The following NELL1 variants were observed in gnomAD, a reference collection of about 807,000 sequenced individuals.
NELL1 encodes neural EGFL like 1, also known as protein kinase C-binding protein NELL1.
A neutral mutation model predicts 107.4 loss-of-function variants in NELL1; 76 were observed. The ratio of observed to expected loss-of-function variants is 0.71; its 90% CI spans 0.59 to 0.86. The LOEUF (loss-of-function observed/expected upper bound fraction) is 0.86, where lower values mean the gene tolerates loss of function less well. Among genes scored for constraint, NELL1 ranks in the 40% least tolerant of loss-of-function variants. The probability of loss-of-function intolerance (pLI) is 0.00; values close to 1 mark genes in which losing one functional copy is unlikely to be tolerated. For synonymous variants in NELL1, 353 were observed against 341.2 expected (o/e 1.03, Z -0.38); for missense variants, 1,024 against 1,005.5 (o/e 1.02, Z -0.25).
rs185278503 is a variant in NELL1 at position 21,438,808 on chromosome 11, A to G, written c.1645+67860A>G. ...AGTTCTGGGATTTCTGTTTTTTTCT[A>G]TGCCTCAATAATTTTGTGTGAGGAA... On this transcript the variant is annotated intron_variant, in intron 15 of 19. Transcript: ENST00000357134. 2.6e-5 allele frequency among the ~76,000 whole-genome samples: 4 copies of G among 151,822 alleles called. No individual in the cohort carries two copies. The East Asian group carries it at 7.8e-4, about 30-fold the overall frequency.
At chr11:20,855,996 C>A (rs1848876046) in intron 4 of NELL1, among the ~76,000 whole-genome samples, 1 of 152,246 alleles carries the variant, frequency 6.6e-6, no homozygotes, top group Non-Finnish European at 1.5e-5. Context: ...ATTCATCTAT[C>A]TCCTTGGAAA....
At chr11:21,556,143 T>A (rs1856700282) in intron 16 of NELL1, among the ~76,000 whole-genome samples, 1 of 151,936 alleles carries the variant, frequency 6.6e-6, no homozygotes, top group Non-Finnish European at 1.5e-5. Flanking sequence ...AGGGATCTGT[T>A]CTCTAGACTG....
chr11:20,729,826 C>T (rs575975426), intron 2 of NELL1, among the ~76,000 whole-genome samples: 60 of 152,094 alleles, frequency 3.9e-4, no homozygotes, highest in African/African-American at 1.2e-3. Context: ...TCTGCTGTGG[C>T]GGTTGGGAAG....
chr11:21,574,254 A>AT lies in NELL1; in HGVS notation c.2383-708dup, dbSNP rs796871001. 5.1e-3 allele frequency among the ~76,000 whole-genome samples: 163 copies of AT among 32,276 alleles called. 1 individual carries two copies. The highest frequency in any genetic ancestry group is 5.9e-3 in the African/African-American group (139 of 23,624). The allele number at this position is 32,276 out of a possible 152,430, so 21.2% of individuals were successfully genotyped here. A position where few individuals can be genotyped will look rare whatever the true frequency, so the allele number is the denominator to read the frequency against. ...CCTCTTTATGCTGTTATAAATGTAG[A>AT]TTTTTTTTTTCTGGGAAAGTATCAT... On this transcript the variant is annotated intron_variant, in intron 19 of 19. Transcript: ENST00000357134.
At chr11:20,778,263 G>GT (rs1856786293) in intron 2 of NELL1, among the ~76,000 whole-genome samples, 1 of 152,080 alleles carries the variant, frequency 6.6e-6, no homozygotes. Flanking sequence ...TCTTGCTTAC[G>GT]TGTCTATCCT....
In NELL1 at chr11:21,117,180, A is replaced by C. The variant is rs145954221; in HGVS notation, c.1426+3466A>C. ...CTCTTCTCATTTACCTCTTAGCCTAAGCCTCAGAGAGGCTTTCCATGATCA... is the reference window on the plus strand; with the variant it reads ...CTCTTCTCATTTACCTCTTAGCCTACGCCTCAGAGAGGCTTTCCATGATCA... On this transcript the variant is annotated intron_variant, in intron 13 of 19. Coordinates refer to ENST00000357134, the MANE Select transcript of NELL1 (RefSeq NM_006157.5). Among the ~76,000 whole-genome samples the C allele has an allele frequency of 4.9e-3, 740 of 152,044 alleles. 7 individuals carry two copies. The highest frequency in any genetic ancestry group is 0.016 in the African/African-American group (655 of 41,542).
intron 15 of NELL1, among the ~76,000 whole-genome samples, chr11:21,508,464 C>G (rs942122815): frequency 1.3e-5 from 2 of 152,072 alleles, no homozygotes; most frequent in Admixed American, 1.3e-4. Context: ...TTGATATTTA[C>G]AAAACATTGC....
chr11:21,098,773 A>G (rs1454492497), intron 12 of NELL1, among the ~76,000 whole-genome samples: 4 of 152,086 alleles, frequency 2.6e-5, no homozygotes, highest in African/African-American at 9.7e-5. Context: ...AGCATTTGAT[A>G]ATAAATACCC....
intron 13 of NELL1, among the ~76,000 whole-genome samples, chr11:21,200,394 G>T (rs973173082): frequency 6.6e-6 from 1 of 152,038 alleles, no homozygotes; most frequent in Non-Finnish European, 1.5e-5. Context: ...CTCTAATGAC[G>T]AGTGATGATG....
chr11:21,279,454 A>T (rs757864630), intron 14 of NELL1, among the ~76,000 whole-genome samples: 5 of 152,186 alleles, frequency 3.3e-5, no homozygotes, highest in Non-Finnish European at 5.9e-5. Flanking sequence ...AAAATGGGCA[A>T]AGACCTAACA....
intron 14 of NELL1, among the ~76,000 whole-genome samples, chr11:21,241,505 T>C (rs1858358870): frequency 1.3e-5 from 2 of 152,152 alleles, no homozygotes; most frequent in South Asian, 4.1e-4. Flanking sequence ...TGTTACTGGG[T>C]CTGCTTGGTC....
Position 20,693,654 on chromosome 11 carries a change from C to A in NELL1, c.184+15594C>A, listed in dbSNP as rs181982263. On this transcript the variant is annotated intron_variant, in intron 2 of 19. Coordinates refer to ENST00000357134, the MANE Select transcript of NELL1 (RefSeq NM_006157.5). Reference sequence around the variant, plus strand: ...CTTGTAGAGTTTCTGCCGAGAGATCCGCTGTTAGTCTGATGGGCTTCCCTT... The same window carrying A: ...CTTGTAGAGTTTCTGCCGAGAGATCAGCTGTTAGTCTGATGGGCTTCCCTT... 7.2e-3 allele frequency among the ~76,000 whole-genome samples: 1,093 copies of A among 152,144 alleles called. 8 individuals are homozygous for A. Among genetic ancestry groups the A allele is most frequent in the African/African-American group, 0.025 (1,036 of 41,514 alleles).
At chr11:21,041,537 G>T (rs1432707471) in intron 12 of NELL1, among the ~76,000 whole-genome samples, 2 of 152,082 alleles carry the variant, frequency 1.3e-5, no homozygotes, top group Non-Finnish European at 2.9e-5. Flanking sequence ...AGAAAATGTG[G>T]TTCCAAGAGA....
intron 14 of NELL1, among the ~76,000 whole-genome samples, chr11:21,278,522 A>G (rs1848921278): frequency 1.3e-5 from 2 of 152,198 alleles, no homozygotes; most frequent in Admixed American, 6.5e-5. Flanking sequence ...ATTTAAAATT[A>G]AAAACAATGC....
intron 12 of NELL1, among the ~76,000 whole-genome samples, chr11:21,062,336 C>T (rs533436407): frequency 8.9e-4 from 135 of 152,218 alleles, no homozygotes; most frequent in African/African-American, 3.2e-3. Flanking sequence ...CTTAAAATTA[C>T]ATAGGTGGTT....
At chr11:21,104,938 A>T (rs1031816568) in intron 12 of NELL1, among the ~76,000 whole-genome samples, 35 of 152,256 alleles carry the variant, frequency 2.3e-4, no homozygotes, top group African/African-American at 7.9e-4. Context: ...GTCTGTTCTT[A>T]TAAGGGCACT....
intron 4 of NELL1, among the ~76,000 whole-genome samples, chr11:20,865,046 A>T (rs1849067818): frequency 6.6e-6 from 1 of 151,996 alleles, no homozygotes; most frequent in Non-Finnish European, 1.5e-5. Context: ...CCCTCCTTTA[A>T]CTGCAAGTTG....
rs560699704 is a variant in NELL1, at chr11:21,275,194, G to A, written c.1549+45740G>A. Among the ~76,000 whole-genome samples, 348 of 151,896 alleles carry A rather than the reference G, an allele frequency of 2.3e-3. 2 individuals carry two copies. Among genetic ancestry groups the A allele is most frequent in the Non-Finnish European group, 3.8e-3 (260 of 67,928 alleles). ...GAAAGGAGAGAAGAATCAAATAGAC[G>A]CAATAAAAAATGATAAAGGGGATAT... On this transcript the variant is annotated intron_variant, in intron 14 of 19. Transcript: ENST00000357134.
At chr11:21,053,972 T>G (rs1162133544) in intron 12 of NELL1, among the ~76,000 whole-genome samples, 2 of 152,168 alleles carry the variant, frequency 1.3e-5, no homozygotes, top group Non-Finnish European at 2.9e-5. Context: ...CATTCACTAT[T>G]TTGTAGGTTC....
Sources: gnomAD v4.1 joint callset for allele counts (sites outside exome capture counted in the v4.1 genomes callset) on GRCh38, gnomAD v4.1.1 for gene constraint, MANE v1.5 for transcripts, NCBI Gene and HGNC (gene_info 2026-07-23, HGNC 2026-07-21) for gene names.